HIPK3: variants seen among roughly 807,000 people sequenced by gnomAD.
HIPK3 encodes the protein homeodomain interacting protein kinase 3, also known as homeodomain-interacting protein kinase 3.
A neutral mutation model predicts 124.2 loss-of-function variants in HIPK3; 47 were observed. The ratio of observed to expected loss-of-function variants is 0.38; its 90% CI spans 0.30 to 0.48. The LOEUF (loss-of-function observed/expected upper bound fraction) is 0.48. Among genes scored for constraint, HIPK3 ranks in the 20% least tolerant of loss-of-function variants. The probability of loss-of-function intolerance (pLI) is 0.98; values close to 1 mark genes in which losing one functional copy is unlikely to be tolerated. For synonymous variants in HIPK3, 482 were observed against 515.2 expected (o/e 0.94, Z 0.87); for missense variants, 1,286 against 1,454.3 (o/e 0.88, Z 1.88).
chr11:33,348,719 C>G lies in HIPK3; in HGVS notation c.2567C>G (p.Thr856Ser). 6.2e-7 allele frequency: 1 copy of G among 1,614,096 alleles called. No individual in the cohort carries two copies. The highest frequency in any genetic ancestry group is 8.5e-7 in the Non-Finnish European group (1 of 1,179,960). Residue 856 changes from threonine (T) to serine (S), a missense_variant, in exon 13 of 17, where the codon ACC (threonine) becomes AGC (serine). Transcript: ENST00000303296. ...DSSVSDKQRQTIIIADSPSPA... is the reference protein window; with the variant it reads ...DSSVSDKQRQSIIIADSPSPA... Reference sequence around the variant, plus strand: ...TCAGTTTCAGACAAACAGCGGCAAACCATCATTATTGCCGACTCCCCGAGT... The same window carrying G: ...TCAGTTTCAGACAAACAGCGGCAAAGCATCATTATTGCCGACTCCCCGAGT...
chr11:33,267,519 G>A lies in HIPK3; in HGVS notation c.-3+9630G>A, dbSNP rs528631374. On this transcript the variant is annotated intron_variant, in intron 1 of 16. Coordinates refer to ENST00000303296, the MANE Select transcript of HIPK3 (RefSeq NM_005734.5). ...TTATTATTATTTTTTTTTTTGAGACGGAGTCTCGCTCTGTCCCCCAGGCTG... is the reference window on the plus strand; with the variant it reads ...TTATTATTATTTTTTTTTTTGAGACAGAGTCTCGCTCTGTCCCCCAGGCTG... Among the ~76,000 whole-genome samples the A allele has an allele frequency of 4.0e-3, 609 of 150,892 alleles. 10 individuals carry two copies. The highest frequency in any genetic ancestry group is 3.7e-3 in the Non-Finnish European group (253 of 67,750).
chr11:33,265,878 G>A (rs1850945165), intron 1 of HIPK3, among the ~76,000 whole-genome samples: 2 of 151,092 alleles, frequency 1.3e-5, no homozygotes, highest in African/African-American at 2.4e-5. Context: ...GAGGTCAGGA[G>A]GTCGAGACCA....
chr11:33,299,717 CTTTACTA>C (rs1248718895), intron 2 of HIPK3, among the ~76,000 whole-genome samples: 2 of 151,950 alleles, frequency 1.3e-5, no homozygotes, highest in Non-Finnish European at 2.9e-5. Context: ...ATGTGGCAAA[CTTTACTA>C]TAGTCTTTGA....
At chr11:33,339,629 C>CA in intron 6 of HIPK3, 95 bp downstream of exon 6, 1 of 896,030 alleles carries the variant, frequency 1.1e-6, no homozygotes, top group Admixed American at 2.4e-5. Flanking sequence ...TCATTAAACA[C>CA]AAGTAACCTG....
chr11:33,280,829 C>A (rs1851393019), intron 1 of HIPK3, among the ~76,000 whole-genome samples: 1 of 152,176 alleles, frequency 6.6e-6, no homozygotes, highest in Non-Finnish European at 1.5e-5. Flanking sequence ...GTGCATTGAT[C>A]TGATTCCCTG....
chr11:33,292,477 G>A (rs999405251), intron 2 of HIPK3, among the ~76,000 whole-genome samples: 6 of 152,122 alleles, frequency 3.9e-5, no homozygotes, highest in African/African-American at 1.4e-4. Context: ...CTGATCTGAG[G>A]GGCAGGGAAG....
chr11:33,329,799 TA>T (rs1304569448), intron 3 of HIPK3, among the ~76,000 whole-genome samples: 5 of 152,192 alleles, frequency 3.3e-5, no homozygotes, highest in Admixed American at 3.3e-4. Flanking sequence ...CTGAACGAGT[TA>T]GTAATTGAAT....
chr11:33,272,715 G>A (rs1340388091), intron 1 of HIPK3, among the ~76,000 whole-genome samples: 1 of 98,674 alleles, frequency 1.0e-5, no homozygotes, highest in African/African-American at 4.1e-5. Context: ...TTCTGTTGCC[G>A]AGGCTGAAGT....
At position 33,352,414 on chromosome 11, in the gene HIPK3, A is replaced by G. The variant is rs917113760; in HGVS notation, c.3171+149A>G. 5.1e-5 allele frequency: 40 copies of G among 790,394 alleles called. No homozygotes were observed. In the African/African-American group the frequency reaches 6.1e-4, roughly 12 times the overall value. The allele number at this position is 790,394 out of a possible 1,614,324, so 49.0% of individuals were successfully genotyped here. ...CAAGTGGCTAAAGAGTAACTGGCTT[A>G]ATAATAGGATAATTAAGCAAATTAT... On this transcript the variant is annotated intron_variant, in intron 16 of 16. Coordinates refer to ENST00000303296, the MANE Select transcript of HIPK3 (RefSeq NM_005734.5).
chr11:33,329,676 C>T (rs1852915488), intron 3 of HIPK3, among the ~76,000 whole-genome samples: 1 of 152,170 alleles, frequency 6.6e-6, no homozygotes, highest in Non-Finnish European at 1.5e-5. Context: ...TACCTTCCCT[C>T]CTCCATGTTC....
intron 1 of HIPK3, among the ~76,000 whole-genome samples, chr11:33,273,377 C>T (rs1412103058): frequency 4.0e-5 from 6 of 151,748 alleles, no homozygotes; most frequent in South Asian, 2.1e-4. Context: ...CGTGTGGTGG[C>T]GGGCACCTGT....
rs528150173 is a variant in HIPK3 at position 33,277,824 on chromosome 11, C to A, written c.-2-8589C>A. ...TTCTTCAACAGTGGATGTTGTCCTA[C>A]TTCTTTTTGCCAGTTTGGTGGCTAT... On this transcript the variant is annotated intron_variant, in intron 1 of 16. Transcript: ENST00000303296. 5.3e-4 allele frequency among the ~76,000 whole-genome samples: 80 copies of A among 152,274 alleles called. 1 individual carries two copies. Among genetic ancestry groups the A allele is most frequent in the African/African-American group, 1.5e-3 (64 of 41,554 alleles).
At chr11:33,329,939 A>G (rs1852923655) in intron 3 of HIPK3, among the ~76,000 whole-genome samples, 1 of 152,186 alleles carries the variant, frequency 6.6e-6, no homozygotes, top group African/African-American at 2.4e-5. Context: ...TCTAGTGGCA[A>G]TTTCAAGTTG....
At position 33,297,120 on chromosome 11, in the gene HIPK3, CTCTCACCCT is replaced by C. The variant is rs1191105522; in HGVS notation, c.1097+9610_1097+9618del. Among the ~76,000 whole-genome samples the C allele has an allele frequency of 7.5e-5, 10 of 132,652 alleles. No individual in the cohort carries two copies. In the East Asian group the frequency reaches 2.2e-3, roughly 29 times the overall value. 87.0% of individuals were successfully genotyped at this position (132,652 alleles called of 152,430 possible). A position where few individuals can be genotyped will look rare whatever the true frequency, so the allele number is the denominator to read the frequency against. ...TTTTTTTTTTTTTTTGAGATGGAGTCTCTCACCCTGTTGCCTAGGCTGGAGTGCAGTGGC... is the reference window on the plus strand; with the variant it reads ...TTTTTTTTTTTTTTTGAGATGGAGTCGTTGCCTAGGCTGGAGTGCAGTGGC... On this transcript the variant is annotated intron_variant, in intron 2 of 16. Transcript: ENST00000303296.
chr11:33,267,128 G>GT lies in HIPK3; in HGVS notation c.-3+9251dup, dbSNP rs750809898. 3.9e-3 allele frequency among the ~76,000 whole-genome samples: 552 copies of GT among 143,238 alleles called. 1 individual carries two copies. Among genetic ancestry groups the GT allele is most frequent in the African/African-American group, 4.6e-3 (183 of 39,430 alleles). 94.0% of individuals were successfully genotyped at this position (143,238 alleles called of 152,430 possible). On this transcript the variant is annotated intron_variant, in intron 1 of 16. Transcript: ENST00000303296. Reference sequence around the variant, plus strand: ...AAGGCGAAAACATTTCCAGCTTTTTGTTTTTTTTTTTTGAGACGGGGTCTT... The same window carrying GT: ...AAGGCGAAAACATTTCCAGCTTTTTGTTTTTTTTTTTTTGAGACGGGGTCTT...
chr11:33,258,445 G>C (rs1173527746), intron 1 of HIPK3: 1 of 985,394 alleles, frequency 1.0e-6, no homozygotes, highest in Non-Finnish European at 1.2e-6. Context: ...GGGTTTGCAG[G>C]GTGTCAACTC....
rs549064154 is a variant in HIPK3 at position 33,347,733 on chromosome 11, A to G, written c.2124A>G (p.Ser708=). Residue 708 remains serine, a synonymous_variant, in exon 10 of 17, where the codon TCA becomes TCG. Transcript: ENST00000303296. ...TTLTSESVAG[S]HRLGDWGKMI... is the part of the protein sequence containing the mutation. ...TAACTTCTGAGAGTGTGGCTGGTTC[A>G]CACAGGCTTGGAGACTGGGGGTAAG... 696 of 1,614,144 alleles carry G rather than the reference A, an allele frequency of 4.3e-4. 9 individuals are homozygous for G. In the South Asian group the frequency reaches 7.2e-3, roughly 17 times the overall value.
chr11:33,290,498 G>GC (rs1420269962), intron 2 of HIPK3, among the ~76,000 whole-genome samples: 1 of 151,706 alleles, frequency 6.6e-6, no homozygotes, highest in East Asian at 1.9e-4. Context: ...AAACTCCCAG[G>GC]CTTCAGCTGC....
chr11:33,311,837 TACACAC>T (rs370396153), intron 2 of HIPK3, among the ~76,000 whole-genome samples: 15 of 104,490 alleles, frequency 1.4e-4, no homozygotes, highest in East Asian at 2.9e-4. Flanking sequence ...ACCCTGTTTC[TACACAC>T]ACACACACAC....
Sources: allele counts gnomAD v4.1 joint callset (sites outside exome capture counted in the v4.1 genomes callset), GRCh38; gene constraint gnomAD v4.1.1; transcripts MANE v1.5; gene names NCBI Gene and HGNC (gene_info 2026-07-23, HGNC 2026-07-21).